The following SEPTIN9 variants were observed in gnomAD, a reference collection of about 807,000 sequenced individuals.
SEPTIN9 encodes the protein septin-9.
Under a neutral mutation model 56.6 loss-of-function variants are expected in SEPTIN9, and 13 were observed. The observed-to-expected ratio is 0.23, with a 90% confidence interval of 0.15 to 0.37. SEPTIN9 has a LOEUF of 0.37. Among genes scored for constraint, SEPTIN9 ranks in the 10% least tolerant of loss-of-function variants. The probability of loss-of-function intolerance (pLI) is 1.00; values close to 1 mark genes in which losing one functional copy is unlikely to be tolerated. For missense variants in SEPTIN9, 650 were observed against 823.1 expected (o/e 0.79, Z 2.57); for synonymous variants, 332 against 334.1 (o/e 0.99, Z 0.07).
At chr17:77,489,230 G>A (rs866342547) in intron 7 of SEPTIN9, among the ~76,000 whole-genome samples, 1 of 152,142 alleles carries the variant, frequency 6.6e-6, no homozygotes. Context: ...CTTCTCATCC[G>A]GGCCCTGCCT....
rs1274009076 is a variant in SEPTIN9 at position 77,317,272 on chromosome 17, A to G, written c.76+10075A>G. Among the ~76,000 whole-genome samples the G allele has an allele frequency of 6.6e-6, 1 of 152,102 alleles. No homozygotes were observed. Among genetic ancestry groups the G allele is most frequent in the East Asian group, 1.9e-4 (1 of 5,194 alleles). ...GCTGAAATCAGGGTGTCCACTGGGC[A>G]TAGCCCTCTGGAGGCTCTAGGGCAG... On this transcript the variant is annotated intron_variant, in intron 2 of 11. Coordinates refer to ENST00000427177, the MANE Select transcript of SEPTIN9 (RefSeq NM_001113491.2). The surrounding 1 kb of genome is among the most constrained non-coding windows in gnomAD (Gnocchi z 4.2).
At position 77,369,341 on chromosome 17, in the gene SEPTIN9, A is replaced by G. The variant is rs1374801222; in HGVS notation, c.77-32718A>G. Among the ~76,000 whole-genome samples the G allele has an allele frequency of 1.3e-5, 2 of 152,228 alleles. No individual in the cohort carries two copies. The highest frequency in any genetic ancestry group is 2.4e-5 in the African/African-American group (1 of 41,450). ...GAGTGTTGTTGCTTTTGCTGGCCCC[A>G]GGTGGCCGGTTGTTGACCGTTAACT... is the stretch of plus-strand genomic sequence containing the variant. On this transcript the variant is annotated intron_variant, in intron 2 of 11. Transcript: ENST00000427177. The surrounding 1 kb of genome is among the most constrained non-coding windows in gnomAD (Gnocchi z 4.9).
chr17:77,414,175 T>C (rs904372726), intron 3 of SEPTIN9, among the ~76,000 whole-genome samples: 1 of 151,878 alleles, frequency 6.6e-6, no homozygotes, highest in African/African-American at 2.4e-5. Flanking sequence ...GCCTCCTGGG[T>C]TCAACCAATT....
At position 77,327,157 on chromosome 17, in the gene SEPTIN9, G is replaced by C. The variant is rs150334684; in HGVS notation, c.76+19960G>C. Reference sequence around the variant, plus strand: ...CTCTCATCTGCCGACCTTACCTCTGGCAATGCCTCCCTCTCCTGGGCTCCT... The same window carrying C: ...CTCTCATCTGCCGACCTTACCTCTGCCAATGCCTCCCTCTCCTGGGCTCCT... On this transcript the variant is annotated intron_variant, in intron 2 of 11. Coordinates refer to ENST00000427177, the MANE Select transcript of SEPTIN9 (RefSeq NM_001113491.2). The surrounding 1 kb of genome is among the most constrained non-coding windows in gnomAD (Gnocchi z 5.0). Among the ~76,000 whole-genome samples the C allele has an allele frequency of 3.9e-3, 590 of 152,066 alleles. 11 individuals are homozygous for C. The highest frequency in any genetic ancestry group is 0.014 in the African/African-American group (561 of 41,460).
At position 77,318,050 on chromosome 17, in the gene SEPTIN9, C is replaced by CAATAAAATAA. The variant is rs113224602; in HGVS notation, c.76+10869_76+10878dup. Among the ~76,000 whole-genome samples the CAATAAAATAA allele has an allele frequency of 5.6e-4, 83 of 149,456 alleles. No homozygotes were observed. The highest frequency in any genetic ancestry group is 2.0e-3 in the South Asian group (9 of 4,614). On this transcript the variant is annotated intron_variant, in intron 2 of 11. Transcript: ENST00000427177. The surrounding 1 kb of genome is among the most constrained non-coding windows in gnomAD (Gnocchi z 4.9). ...TGGGTGGCAGAGCGAGACTCTGTCT[C>CAATAAAATAA]AATAAAATAAAATAAAATAAAATAA...
intron 7 of SEPTIN9, among the ~76,000 whole-genome samples, chr17:77,489,757 T>A (rs771522038): frequency 5.2e-4 from 79 of 152,172 alleles, no homozygotes; most frequent in Non-Finnish European, 9.6e-4. Flanking sequence ...GCCGGAGTTT[T>A]CGAGCCCACC....
intron 3 of SEPTIN9, among the ~76,000 whole-genome samples, chr17:77,473,468 A>G (rs999321554): frequency 1.3e-5 from 2 of 152,074 alleles, no homozygotes; most frequent in African/African-American, 4.8e-5. Flanking sequence ...CCTGGGCTCA[A>G]ACGATCCTCC....
In SEPTIN9 at chr17:77,314,062, G is replaced by A. The variant is rs139740995; in HGVS notation, c.76+6865G>A. ...TAAAAATACAAAAAGTTAGCTGGGC[G>A]TGGTGGTACAGCCCTGTAGTTCCAG... is the stretch of plus-strand genomic sequence containing the variant. On this transcript the variant is annotated intron_variant, in intron 2 of 11. Transcript: ENST00000427177. Among the ~76,000 whole-genome samples the A allele has an allele frequency of 9.9e-5, 15 of 152,260 alleles. No homozygotes were observed. The South Asian group carries it at 1.5e-3, about 15-fold the overall frequency.
chr17:77,292,021 G>A (rs1490586692), intron 1 of SEPTIN9, among the ~76,000 whole-genome samples: 1 of 152,106 alleles, frequency 6.6e-6, no homozygotes, highest in African/African-American at 2.4e-5. Context: ...TCCCCTTGTC[G>A]AGGTCTTTGA....
intron 3 of SEPTIN9, among the ~76,000 whole-genome samples, chr17:77,413,087 CGTGTGTGTGTGTGTGT>C (rs3047410): frequency 2.1e-5 from 3 of 143,918 alleles, no homozygotes; most frequent in Middle Eastern, 3.3e-3. Flanking sequence ...GCGGGTGGGG[CGTGTGTGTGTGTGTGT>C]GTGTGTGTGT....
intron 7 of SEPTIN9, among the ~76,000 whole-genome samples, chr17:77,490,372 T>C (rs1165505227): frequency 1.3e-5 from 2 of 152,196 alleles, no homozygotes; most frequent in African/African-American, 4.8e-5. Context: ...TGCTAGCTTC[T>C]ATTTCTCTTG....
chr17:77,465,664 G>C (rs1387569051), intron 3 of SEPTIN9, among the ~76,000 whole-genome samples: 1 of 152,218 alleles, frequency 6.6e-6, no homozygotes, highest in Non-Finnish European at 1.5e-5. Context: ...GGGGCCTGCA[G>C]CTGGGTCCTG....
intron 2 of SEPTIN9, among the ~76,000 whole-genome samples, chr17:77,390,702 C>T (rs1239808137): frequency 6.6e-6 from 1 of 152,132 alleles, no homozygotes; most frequent in Non-Finnish European, 1.5e-5. Flanking sequence ...CTGCCCGCCT[C>T]TGCCTCCCAA....
chr17:77,309,976 G>T (rs2032425413), intron 2 of SEPTIN9, among the ~76,000 whole-genome samples: 1 of 151,726 alleles, frequency 6.6e-6, no homozygotes, highest in African/African-American at 2.4e-5. Context: ...GAGAAGCCTA[G>T]GTCTCCTTTT....
At chr17:77,346,278 C>CTGTTTTTTTTTT (rs2033889653) in intron 2 of SEPTIN9, among the ~76,000 whole-genome samples, 1 of 46,290 alleles carries the variant, frequency 2.2e-5, no homozygotes, top group Non-Finnish European at 4.0e-5. Flanking sequence ...ATCCTTAGGT[C>CTGTTTTTTTTTT]TTTTTTTTTT....
At chr17:77,360,385 G>A (rs2034375493) in intron 2 of SEPTIN9, among the ~76,000 whole-genome samples, 2 of 152,260 alleles carry the variant, frequency 1.3e-5, no homozygotes, top group Non-Finnish European at 1.5e-5. Flanking sequence ...CTGCCTGAGC[G>A]TTTTATCCAG....
Position 77,492,942 on chromosome 17 carries a change from C to T in SEPTIN9, c.1477-38C>T, listed in dbSNP as rs754261559. On this transcript the variant is annotated intron_variant, in intron 9 of 11. Transcript: ENST00000427177. The surrounding 1 kb of genome is among the most constrained non-coding windows in gnomAD (Gnocchi z 5.4). ...GGCCCAGGGGAGGGAATTGCCTTCC[C>T]GCACATGTGTAACCAATACCGTCTG... 1.3e-4 allele frequency: 195 copies of T among 1,537,502 alleles called. No individual in the cohort carries two copies. In the Middle Eastern group the frequency reaches 2.8e-3, roughly 22 times the overall value.
intron 3 of SEPTIN9, among the ~76,000 whole-genome samples, chr17:77,479,034 G>A (rs1052394315): frequency 6.6e-6 from 1 of 152,188 alleles, no homozygotes; most frequent in Non-Finnish European, 1.5e-5. Context: ...GATGGGGCTG[G>A]GGAGTTGTTT....
chr17:77,307,929 C>A (rs2032334134), intron 2 of SEPTIN9, among the ~76,000 whole-genome samples: 1 of 152,222 alleles, frequency 6.6e-6, no homozygotes, highest in Non-Finnish European at 1.5e-5. Context: ...CTTCTCCCCA[C>A]TGGGTGTCCC....
Sources: allele counts gnomAD v4.1 joint callset (sites outside exome capture counted in the v4.1 genomes callset), GRCh38; gene constraint gnomAD v4.1.1; non-coding constraint Gnocchi (gnomAD v3.1); transcripts MANE v1.5; gene names NCBI Gene and HGNC (gene_info 2026-07-23, HGNC 2026-07-21).